Variants in KANK3 observed in about 807,000 individuals in gnomAD.
KANK3 encodes KN motif and ankyrin repeat domain-containing protein 3.
In KANK3, 61 loss-of-function variants were observed where a neutral mutation model predicts 65.4. The observed-to-expected ratio is 0.93, with a 90% CI of 0.76 to 1.15. The LOEUF is 1.15. Ranked by LOEUF, KANK3 falls within the 50% of genes most tolerant of loss-of-function variation. KANK3 has a pLI of 0.00. For synonymous variants in KANK3, 586 were observed against 543.3 expected (o/e 1.08, Z -1.09); for missense variants, 1,187 against 1,178.8 (o/e 1.01, Z -0.10).
chr19:8,337,657 C>A (rs1369833826), intron 2 of KANK3, 138 bp downstream of exon 2: 2 of 1,024,486 alleles, frequency 2.0e-6, no homozygotes, highest in East Asian at 4.9e-5. Context: ...TGATTGATGC[C>A]ATAGGTGGTT....
chr19:8,325,276 G>A (rs1323383996), intron 7 of KANK3, among the ~76,000 whole-genome samples, 180 bp from the exon 8 acceptor site: 1 of 141,574 alleles, frequency 7.1e-6, no homozygotes. Flanking sequence ...TCTGCTCAGT[G>A]AAGGACCTTC....
rs757832163 is a variant in KANK3 at position 8,333,695 on chromosome 19, C to T, written c.1719+29G>A. On this transcript the variant is annotated intron_variant, in intron 6 of 10. Transcript: ENST00000330915. This position sits in a 1 kb window ranked among gnomAD's most constrained non-coding sequence, Gnocchi z 5.0. ...GGTCCTTGGAGGCTCCCACGCCACT[C>T]CCTGGTGCTGCGCTCCCGGGGCACT... The T allele has an allele frequency of 2.1e-6, 3 of 1,434,852 alleles. No homozygotes were observed. Among genetic ancestry groups the T allele is most frequent in the Non-Finnish European group, 2.7e-6 (3 of 1,093,120 alleles). The allele number at this position is 1,434,852 out of a possible 1,614,324, so 88.9% of individuals were successfully genotyped here.
At position 8,325,113 on chromosome 19, in the gene KANK3, G is replaced by C. The variant is rs745351136; in HGVS notation, c.1937-17C>G. The C allele has an allele frequency of 6.2e-7, 1 of 1,602,820 alleles. No homozygotes were observed. Among genetic ancestry groups the C allele is most frequent in the Non-Finnish European group, 8.5e-7 (1 of 1,176,024 alleles). On this transcript the variant is annotated splice_polypyrimidine_tract_variant and intron_variant, in intron 7 of 10. Coordinates refer to ENST00000330915, the MANE Select transcript of KANK3 (RefSeq NM_198471.3). The stretch of plus-strand genomic sequence containing the variant: ...CGCAGGCCCCTGGGAGAGAAAAGGG[G>C]GCCGTCCACGGAGATGCCAACACCG...
intron 1 of KANK3, among the ~76,000 whole-genome samples, chr19:8,341,264 C>T (rs1031980881): frequency 6.8e-6 from 1 of 147,666 alleles, no homozygotes; most frequent in Non-Finnish European, 1.5e-5. Flanking sequence ...CTCGCTCACT[C>T]TGTCACCCAG....
chr19:8,329,175 A>G (rs1970481198), intron 7 of KANK3, among the ~76,000 whole-genome samples: 1 of 149,146 alleles, frequency 6.7e-6, no homozygotes, highest in Non-Finnish European at 1.5e-5. Flanking sequence ...CATCTCAAAA[A>G]AAAAAAAAAA....
rs878899344 is a variant in KANK3 at position 8,325,048 on chromosome 19, A to T, written c.1985T>A (p.Met662Lys). The T allele has an allele frequency of 1.9e-6, 3 of 1,613,808 alleles. No homozygotes were observed. Among genetic ancestry groups the T allele is most frequent in the Non-Finnish European group, 2.5e-6 (3 of 1,180,016 alleles). ...CCTCACAGAGGTGAGTGCAGCCAGC[A>T]TGAGGGCCGAGTAGCCGGCTCGGTT... ...RQNRAGYSAL[M>K]LAALTSVRQE... is the part of the protein sequence containing the mutation. The change falls in exon 8 of 11, where the codon ATG (methionine) becomes AAG (lysine). Residue 662 changes from methionine (M) to lysine (K), a missense_variant. Transcript: ENST00000330915.
Position 8,324,438 on chromosome 19 carries a change from G to T in KANK3, c.2382+11C>A, listed in dbSNP as rs373754535. On this transcript the variant is annotated intron_variant, in intron 10 of 10. Transcript: ENST00000330915. Reference sequence around the variant, plus strand: ...GCTGGGAAAGTTTGTTTCTTCCAGAGCTGTGCTCACCTGGGTGTCGGGCTG... The same window carrying T: ...GCTGGGAAAGTTTGTTTCTTCCAGATCTGTGCTCACCTGGGTGTCGGGCTG... The T allele has an allele frequency of 1.3e-6, 2 of 1,585,674 alleles. No homozygotes were observed. Among genetic ancestry groups the T allele is most frequent in the Non-Finnish European group, 1.7e-6 (2 of 1,165,418 alleles).
rs779471727 is a variant in KANK3 at position 8,335,633 on chromosome 19, G to A, written c.194C>T (p.Pro65Leu). The A allele has an allele frequency of 1.6e-6, 2 of 1,244,052 alleles. No homozygotes were observed. Among genetic ancestry groups the A allele is most frequent in the Non-Finnish European group, 2.0e-6 (2 of 991,762 alleles). 77.1% of individuals were successfully genotyped at this position (1,244,052 alleles called of 1,614,324 possible). A position where few individuals can be genotyped will look rare whatever the true frequency, so the allele number is the denominator to read the frequency against. ...GGGACGGCGCGAGGTCGGGGGTCCC[G>A]GGGCGCGGCGGGCAGCGGGGCCACG... ...LERGPAARRA[P>L]GPPTSRRPRA... The change falls in exon 3 of 11, where the codon CCG becomes CTG. Residue 65 changes from proline (P) to leucine (L), a missense_variant. Pro to Leu is a moderately conservative substitution (Grantham distance 98). Transcript: ENST00000330915.
Position 8,335,281 on chromosome 19 carries a change from T to C in KANK3, c.546A>G (p.Gln182=), listed in dbSNP as rs201041593. Reference sequence around the variant, plus strand: ...CCATCTGCTCGCGCACCAGCTGCAGTTGGGCAGGGCCGGGCGAAGCAGGGG... The same window carrying C: ...CCATCTGCTCGCGCACCAGCTGCAGCTGGGCAGGGCCGGGCGAAGCAGGGG... ...NLAPASPGPA[Q]LQLVREQMAA... The change falls in exon 3 of 11, where the codon CAA becomes CAG. Residue 182 remains glutamine (Q), a synonymous_variant. Transcript: ENST00000330915. The C allele has an allele frequency of 3.5e-4, 431 of 1,218,054 alleles. 1 individual carries two copies. In the East Asian group the frequency reaches 0.013, roughly 37 times the overall value. The allele number at this position is 1,218,054 out of a possible 1,614,324, so 75.5% of individuals were successfully genotyped here. A position where few individuals can be genotyped will look rare whatever the true frequency, so the allele number is the denominator to read the frequency against.
At chr19:8,332,240 C>T (rs1050801201) in intron 7 of KANK3, among the ~76,000 whole-genome samples, 3 of 151,936 alleles carry the variant, frequency 2.0e-5, no homozygotes, top group South Asian at 4.2e-4. Context: ...TGCAGTAGCA[C>T]GATCTCAGCT....
chr19:8,333,359 C>T lies in KANK3; in HGVS notation c.1720-129G>A, dbSNP rs920111800. On this transcript the variant is annotated intron_variant, in intron 6 of 10. Transcript: ENST00000330915. This position sits in a 1 kb window ranked among gnomAD's most constrained non-coding sequence, Gnocchi z 5.0. ...TCCAGGCAAGTAAGGAAGGTCACTC[C>T]TCGTCCAGGTGGGGAGCCATGCGAA... The T allele has an allele frequency of 1.1e-5, 8 of 752,970 alleles. No individual in the cohort carries two copies. The highest frequency in any genetic ancestry group is 1.0e-4 in the African/African-American group (6 of 57,204). The allele number at this position is 752,970 out of a possible 1,614,324, so 46.6% of individuals were successfully genotyped here.
At chr19:8,335,870 C>A in intron 2 of KANK3, 78 bp from the exon 3 acceptor site, 1 of 1,010,458 alleles carries the variant, frequency 9.9e-7, no homozygotes, top group Non-Finnish European at 1.3e-6. Flanking sequence ...CCGAGCGTGT[C>A]CCCCACCCAT....
rs905619577 is a variant in KANK3 at position 8,331,126 on chromosome 19, T to G, written c.1936+1888A>C. ...GAGAATGGCGTGAACCCGGGAGGCG[T>G]AGGTTGCAGTGAGCAGAGAGATCAT... is the stretch of plus-strand genomic sequence containing the variant. On this transcript the variant is annotated intron_variant, in intron 7 of 10. Transcript: ENST00000330915. Among the ~76,000 whole-genome samples the G allele has an allele frequency of 7.4e-4, 110 of 149,260 alleles. 1 individual carries two copies. Among genetic ancestry groups the G allele is most frequent in the African/African-American group, 2.4e-3 (98 of 40,462 alleles).
At position 8,335,290 on chromosome 19, in the gene KANK3, G is replaced by C; in HGVS notation, c.537C>G (p.Gly179=). 8.3e-7 allele frequency: 1 copy of C among 1,208,734 alleles called. No individual in the cohort carries two copies. Among genetic ancestry groups the C allele is most frequent in the South Asian group, 3.5e-5 (1 of 28,176 alleles). 74.9% of individuals were successfully genotyped at this position (1,208,734 alleles called of 1,614,324 possible). ...CGCGCACCAGCTGCAGTTGGGCAGG[G>C]CCGGGCGAAGCAGGGGCAAGGTTAG... ...PAPNLAPASP[G]PAQLQLVREQ... is the part of the protein sequence containing the mutation. Residue 179 remains glycine, a synonymous_variant, in exon 3 of 11, where the codon GGC becomes GGG. Coordinates refer to ENST00000330915, the MANE Select transcript of KANK3 (RefSeq NM_198471.3).
rs556658000 is a variant in KANK3, at chr19:8,328,893, A to G, written c.1937-3797T>C. On this transcript the variant is annotated intron_variant, in intron 7 of 10. Coordinates refer to ENST00000330915, the MANE Select transcript of KANK3 (RefSeq NM_198471.3). Reference sequence around the variant, plus strand: ...GATGTTGAAATTGACAAGTGGGCCGAGCGCGGTGGCTCACGCCTGTAGTCC... The same window carrying G: ...GATGTTGAAATTGACAAGTGGGCCGGGCGCGGTGGCTCACGCCTGTAGTCC... Among the ~76,000 whole-genome samples the G allele has an allele frequency of 1.7e-4, 26 of 152,078 alleles. 1 individual carries two copies. The highest frequency in any genetic ancestry group is 1.4e-3 in the Admixed American group (22 of 15,226).
rs1307204170 is a variant in KANK3 at position 8,334,799 on chromosome 19, G to T, written c.1028C>A (p.Ala343Glu). The T allele has an allele frequency of 1.3e-6, 2 of 1,496,644 alleles. No individual in the cohort carries two copies. The highest frequency in any genetic ancestry group is 2.9e-5 in the African/African-American group (2 of 68,246). 92.7% of individuals were successfully genotyped at this position (1,496,644 alleles called of 1,614,324 possible). Residue 343 changes from alanine to glutamate, a missense_variant, in exon 3 of 11, where the codon GCG becomes GAG. Around this residue, in one of 3 missense-constraint regions of KANK3, gnomAD observed 1,078 missense variants for 1,038.2 expected, o/e 1.04. Transcript: ENST00000330915. ...GGCGGCCGCAGGCAGCCCCAGCAGC[G>T]CCTCGGTCACCCACGCGTCCGCCTC... is the stretch of plus-strand genomic sequence containing the variant. The part of the protein sequence containing the change: ...TVEADAWVTE[A>E]LLGLPAAAER...
At position 8,325,035 on chromosome 19, in the gene KANK3, G is replaced by A. The variant is rs1444079908; in HGVS notation, c.1998C>T (p.Leu666=). 11 of 1,613,850 alleles carry A rather than the reference G, an allele frequency of 6.8e-6. No homozygotes were observed. In the Admixed American group the frequency reaches 1.5e-4, roughly 22 times the overall value. ...AGYSALMLAA[L]TSVRQEEEDM... ...CCTCCTCTTCCTGCCTCACAGAGGT[G>A]AGTGCAGCCAGCATGAGGGCCGAGT... The change falls in exon 8 of 11, where the codon CTC becomes CTT. Residue 666 remains leucine (L), a synonymous_variant. Coordinates refer to ENST00000330915, the MANE Select transcript of KANK3 (RefSeq NM_198471.3).
intron 10 of KANK3, chr19:8,323,408 G>GT (rs1486947210): frequency 6.5e-6 from 1 of 154,648 alleles, no homozygotes; most frequent in Admixed American, 6.6e-5. Context: ...TCAAAAAATT[G>GT]TAAGTTGTGC....
At chr19:8,335,827 C>A in intron 2 of KANK3, 35 bp from the exon 3 acceptor site, 1 of 1,219,990 alleles carries the variant, frequency 8.2e-7, no homozygotes, top group South Asian at 4.2e-5. Flanking sequence ...GAGGGCGCAT[C>A]AGAACGGGGA....
Sources: allele counts gnomAD v4.1 joint callset (sites outside exome capture counted in the v4.1 genomes callset), GRCh38; gene constraint gnomAD v4.1.1; regional missense constraint gnomAD v4.1.1; non-coding constraint Gnocchi (gnomAD v3.1); transcripts MANE v1.5; gene names NCBI Gene and HGNC (gene_info 2026-07-23, HGNC 2026-07-21).